STOX2: variants seen among roughly 807,000 people sequenced by gnomAD.
STOX2 encodes the protein storkhead box 2, also known as storkhead-box protein 2.
STOX2 carries 28 observed loss-of-function variants against 60.9 expected under a neutral mutation model. The observed-to-expected ratio is 0.46, with a 90% CI of 0.34 to 0.63. The LOEUF (loss-of-function observed/expected upper bound fraction) is 0.63, where lower values mean the gene tolerates loss of function less well. Among genes scored for constraint, STOX2 ranks in the 30% least tolerant of loss-of-function variants. The pLI is 0.01. For synonymous variants in STOX2, 472 were observed against 463.9 expected (o/e 1.02, Z -0.22); for missense variants, 1,024 against 1,187.7 (o/e 0.86, Z 2.03).
chr4:183,968,557 G>A (rs571496647), intron 1 of STOX2, among the ~76,000 whole-genome samples: 1 of 152,298 alleles, frequency 6.6e-6, no homozygotes, highest in East Asian at 1.9e-4. Flanking sequence ...TGGTCCAGCT[G>A]TTGTCTACCT....
rs778081217 is a variant in STOX2 at position 184,009,907 on chromosome 4, A to T, written c.1069A>T (p.Ser357Cys). Residue 357 changes from serine (S) to cysteine (C), a missense_variant, in exon 3 of 4, where the codon AGT becomes TGT. Physicochemically the swap from Ser to Cys is moderately radical, Grantham distance 112. Coordinates refer to ENST00000308497, the MANE Select transcript of STOX2 (RefSeq NM_020225.3). This position sits in a 1 kb window ranked among gnomAD's most constrained non-coding sequence, Gnocchi z 4.0. ...AGSSAHHSGR[S>C]KKSRTHRKSH... ...GTCCTCTGCCCATCACAGCGGAAGG[A>T]GTAAAAAGAGTAGGACTCATCGGAA... The T allele has an allele frequency of 1.2e-6, 2 of 1,612,690 alleles. No homozygotes were observed. Among genetic ancestry groups the T allele is most frequent in the South Asian group, 2.2e-5 (2 of 90,694 alleles).
At chr4:183,899,330 C>G (rs1482571775) in intron 1 of STOX2, among the ~76,000 whole-genome samples, 1 of 152,154 alleles carries the variant, frequency 6.6e-6, no homozygotes, top group African/African-American at 2.4e-5. Flanking sequence ...AAATCAAAAG[C>G]TGGAAATGAT....
In STOX2 at chr4:184,001,280, C is replaced by T. The variant is rs781762645; in HGVS notation, c.167-45C>T. The T allele has an allele frequency of 3.3e-5, 53 of 1,600,552 alleles. No individual in the cohort carries two copies. The highest frequency in any genetic ancestry group is 3.3e-4 in the Middle Eastern group (2 of 6,012). Reference sequence around the variant, plus strand: ...TGAAGGCGTGTGTCTGACAGATGACCGGGTCTTTTAATGAACCACTCACTT... The same window carrying T: ...TGAAGGCGTGTGTCTGACAGATGACTGGGTCTTTTAATGAACCACTCACTT... On this transcript the variant is annotated intron_variant, in intron 1 of 3. Coordinates refer to ENST00000308497, the MANE Select transcript of STOX2 (RefSeq NM_020225.3). The surrounding 1 kb of genome is among the most constrained non-coding windows in gnomAD (Gnocchi z 4.2).
intron 1 of STOX2, chr4:183,798,496 G>T: frequency 2.5e-6 from 1 of 402,484 alleles, no homozygotes; most frequent in Non-Finnish European, 3.4e-6. Context: ...CAGCTGGAGC[G>T]GCGGCTCAGG....
At chr4:183,979,058 G>T (rs956264796) in intron 1 of STOX2, among the ~76,000 whole-genome samples, 16 of 152,162 alleles carry the variant, frequency 1.1e-4, no homozygotes, top group Admixed American at 2.6e-4. Context: ...ACCTGAGACT[G>T]GGTGATTTAT....
At chr4:183,996,493 A>G (rs1347321542) in intron 1 of STOX2, among the ~76,000 whole-genome samples, 2 of 152,224 alleles carry the variant, frequency 1.3e-5, no homozygotes. Flanking sequence ...AGCAGTACCT[A>G]CATTCTCCTT....
Position 184,011,444 on chromosome 4 carries a change from G to A in STOX2, c.2585+21G>A. ...CCACGGTAGGGAGAGGTGTCTCTGT[G>A]CACACACATGCGCCTAGCGGGGCCT... On this transcript the variant is annotated intron_variant, in intron 3 of 3. Transcript: ENST00000308497. The surrounding 1 kb of genome is among the most constrained non-coding windows in gnomAD (Gnocchi z 4.4). 5 of 1,594,494 alleles carry A rather than the reference G, an allele frequency of 3.1e-6. No individual in the cohort carries two copies. Among genetic ancestry groups the A allele is most frequent in the Non-Finnish European group, 4.3e-6 (5 of 1,170,288 alleles).
chr4:183,965,342 A>G (rs1743534249), intron 1 of STOX2, among the ~76,000 whole-genome samples: 1 of 152,210 alleles, frequency 6.6e-6, no homozygotes, highest in African/African-American at 2.4e-5. Context: ...GTGAACCTAT[A>G]TGAAGTGTCT....
At chr4:183,995,572 C>A (rs1006747777) in intron 1 of STOX2, among the ~76,000 whole-genome samples, 1 of 152,116 alleles carries the variant, frequency 6.6e-6, no homozygotes, top group African/African-American at 2.4e-5. Flanking sequence ...TGTAGACAAT[C>A]CAAGAGCAGG....
At chr4:183,950,848 T>C (rs4861594) in intron 1 of STOX2, among the ~76,000 whole-genome samples, 29,155 of 151,748 alleles carry the variant, frequency 0.19, 3,432 homozygotes, top group Middle Eastern at 0.36. Flanking sequence ...AGAGATGGAG[T>C]TAGGGATGTT....
chr4:183,990,186 C>T (rs565319023), intron 1 of STOX2, among the ~76,000 whole-genome samples: 15 of 152,278 alleles, frequency 9.9e-5, no homozygotes, highest in Middle Eastern at 3.4e-3. Context: ...GTTGCAAATA[C>T]AGTTCCATCA....
chr4:183,976,623 A>T (rs1386058412), intron 1 of STOX2, among the ~76,000 whole-genome samples: 1 of 152,174 alleles, frequency 6.6e-6, no homozygotes, highest in Non-Finnish European at 1.5e-5. Flanking sequence ...CACTACCTGG[A>T]TGACAGGATC....
intron 1 of STOX2, among the ~76,000 whole-genome samples, chr4:183,990,909 C>T (rs990943383): frequency 1.3e-5 from 2 of 152,052 alleles, no homozygotes; most frequent in Non-Finnish European, 2.9e-5. Context: ...GTGAAAGTCA[C>T]TTTTTTGACT....
At chr4:184,003,054 C>A (rs761590591) in intron 2 of STOX2, among the ~76,000 whole-genome samples, 3 of 152,210 alleles carry the variant, frequency 2.0e-5, no homozygotes, top group Non-Finnish European at 4.4e-5. Flanking sequence ...AAACGCCTTT[C>A]CTTTTAGTAG....
chr4:184,018,797 A>C lies in STOX2; in HGVS notation c.*1513A>C, dbSNP rs1000743683. The C allele has an allele frequency of 6.6e-6, 1 of 152,242 alleles. No individual in the cohort carries two copies. The highest frequency in any genetic ancestry group is 2.4e-5 in the African/African-American group (1 of 41,458). 9.4% of individuals were successfully genotyped at this position (152,242 alleles called of 1,614,324 possible). On this transcript the variant is annotated 3_prime_UTR_variant, in exon 4 of 4. Transcript: ENST00000308497. ...TTCCCATGTTTTATTTTCTGAGAAC[A>C]GTGGGACAGATCTGTAGTAATGGAA...
At chr4:183,868,037 G>C (rs1156721487) in intron 1 of STOX2, among the ~76,000 whole-genome samples, 1 of 152,012 alleles carries the variant, frequency 6.6e-6, no homozygotes, top group East Asian at 1.9e-4. Context: ...TCGAACATTA[G>C]AGTGTGTTCT....
intron 1 of STOX2, among the ~76,000 whole-genome samples, chr4:183,876,004 C>T (rs372555782): frequency 1.4e-4 from 22 of 152,312 alleles, no homozygotes; most frequent in African/African-American, 4.8e-4. Flanking sequence ...TGAGCCACTG[C>T]ACCTGGCCAC....
At position 184,022,774 on chromosome 4, in the gene STOX2, C is replaced by G. The variant is rs886844764; in HGVS notation, c.*5490C>G. ...CAGCAGCTCCTCCACTTCCTTTCCT[C>G]CGAGGTCCTCCTTTCCATTCTCCCA... On this transcript the variant is annotated 3_prime_UTR_variant, in exon 4 of 4. Transcript: ENST00000308497. The G allele has an allele frequency of 3.9e-5, 6 of 152,350 alleles. No homozygotes were observed. The highest frequency in any genetic ancestry group is 5.9e-5 in the Non-Finnish European group (4 of 68,214). 9.4% of individuals were successfully genotyped at this position (152,350 alleles called of 1,614,324 possible).
At chr4:183,799,844 T>C (rs1414083598) in intron 1 of STOX2, among the ~76,000 whole-genome samples, 1 of 152,230 alleles carries the variant, frequency 6.6e-6, no homozygotes, top group Non-Finnish European at 1.5e-5. Flanking sequence ...CTCTAATTGG[T>C]TGACTGTTGC....
Sources: gnomAD v4.1 joint callset for allele counts (sites outside exome capture counted in the v4.1 genomes callset) on GRCh38, gnomAD v4.1.1 for gene constraint, Gnocchi (gnomAD v3.1) non-coding constraint, MANE v1.5 for transcripts, NCBI Gene and HGNC (gene_info 2026-07-23, HGNC 2026-07-21) for gene names.